The following PAMR1 variants were observed in gnomAD, a reference collection of about 807,000 sequenced individuals.
PAMR1 encodes peptidase domain containing associated with muscle regeneration 1, also known as inactive serine protease PAMR1.
PAMR1 carries 88 observed loss-of-function variants against 81.8 expected under a neutral mutation model. The ratio of observed to expected loss-of-function variants is 1.08; its 90% CI spans 0.91 to 1.28. The LOEUF is 1.28. PAMR1 is among the 50% of genes most tolerant of loss of function. The probability of loss-of-function intolerance (pLI) is 0.00; values close to 1 mark genes in which losing one functional copy is unlikely to be tolerated. For missense variants in PAMR1, 935 were observed against 919.7 expected (o/e 1.02, Z -0.21); for synonymous variants, 336 against 345.3 (o/e 0.97, Z 0.30).
chr11:35,439,165 T>C (rs915438586), intron 8 of PAMR1, among the ~76,000 whole-genome samples: 7 of 152,226 alleles, frequency 4.6e-5, no homozygotes, highest in Admixed American at 3.9e-4. Flanking sequence ...CACATCCTTC[T>C]GCATGGCTGG....
chr11:35,436,800 A>G (rs111242040), intron 8 of PAMR1, among the ~76,000 whole-genome samples: 377 of 152,338 alleles, frequency 2.5e-3, no homozygotes, highest in African/African-American at 8.9e-3. Flanking sequence ...ACCAAAGACA[A>G]TAATACCTGG....
intron 1 of PAMR1, among the ~76,000 whole-genome samples, chr11:35,517,447 T>C (rs967239741): frequency 7.2e-5 from 11 of 152,264 alleles, no homozygotes; most frequent in African/African-American, 2.7e-4. Flanking sequence ...TTCCATGTTT[T>C]ATGCCTTATG....
chr11:35,473,346 C>T (rs1240572046), intron 4 of PAMR1, among the ~76,000 whole-genome samples: 1 of 152,168 alleles, frequency 6.6e-6, no homozygotes, highest in East Asian at 1.9e-4. Context: ...CACCGTTTTG[C>T]TATTTTAGAA....
chr11:35,522,231 T>C (rs546582471), intron 1 of PAMR1, among the ~76,000 whole-genome samples: 3 of 152,318 alleles, frequency 2.0e-5, no homozygotes, highest in African/African-American at 7.2e-5. Context: ...TCAAATCGTT[T>C]TTAAGTGCAT....
chr11:35,467,525 C>T (rs11033138), intron 6 of PAMR1, among the ~76,000 whole-genome samples: 15 of 152,186 alleles, frequency 9.9e-5, no homozygotes, highest in South Asian at 4.2e-4. Context: ...ACTTTGCTCA[C>T]GAAAGAGGAT....
At chr11:35,527,972 C>T (rs1027492905), upstream of PAMR1, among the ~76,000 whole-genome samples, 6 of 152,096 alleles carry the variant, frequency 3.9e-5, no homozygotes, top group Non-Finnish European at 8.8e-5. Flanking sequence ...TCCCATGACA[C>T]GTGGGGTTTC....
intron 1 of PAMR1, among the ~76,000 whole-genome samples, chr11:35,506,050 G>T (rs1415400742): frequency 6.7e-6 from 1 of 148,984 alleles, no homozygotes; most frequent in Admixed American, 6.7e-5. Context: ...TTACCATGAG[G>T]TTTACAAAAA....
chr11:35,503,966 CT>C (rs1380031055), intron 1 of PAMR1, among the ~76,000 whole-genome samples: 1 of 151,982 alleles, frequency 6.6e-6, no homozygotes, highest in Admixed American at 6.6e-5. Context: ...AGAGGGAAAC[CT>C]TTCCATTTTT....
intron 6 of PAMR1, among the ~76,000 whole-genome samples, chr11:35,460,312 CTTT>C (rs1054098077): frequency 7.1e-6 from 1 of 141,340 alleles, no homozygotes. Context: ...CCTCCTCTTT[CTTT>C]TTTTTTTTTT....
At chr11:35,462,171 A>C (rs1404407836) in intron 6 of PAMR1, among the ~76,000 whole-genome samples, 1 of 152,194 alleles carries the variant, frequency 6.6e-6, no homozygotes, top group Non-Finnish European at 1.5e-5. Context: ...CCCCATGAGA[A>C]AAAGGGAGGC....
At chr11:35,504,400 A>G (rs990375809) in intron 1 of PAMR1, among the ~76,000 whole-genome samples, 5 of 152,140 alleles carry the variant, frequency 3.3e-5, no homozygotes, top group African/African-American at 7.2e-5. Flanking sequence ...TCATAGAATG[A>G]GTTTGGAAAT....
At chr11:35,438,399 G>A (rs2135338485) in intron 8 of PAMR1, among the ~76,000 whole-genome samples, 1 of 152,298 alleles carries the variant, frequency 6.6e-6, no homozygotes, top group East Asian at 1.9e-4. Flanking sequence ...TTAGCTATTA[G>A]GGTTGCATAT....
intron 1 of PAMR1, among the ~76,000 whole-genome samples, chr11:35,516,945 G>C (rs989465469): frequency 6.6e-6 from 1 of 152,154 alleles, no homozygotes; most frequent in African/African-American, 2.4e-5. Context: ...TCTGTGAGAG[G>C]GGGGAAGGGG....
intron 6 of PAMR1, among the ~76,000 whole-genome samples, chr11:35,446,863 G>A (rs1014817539): frequency 1.3e-5 from 2 of 152,196 alleles, no homozygotes; most frequent in African/African-American, 2.4e-5. Context: ...ACTTGGTCCA[G>A]AGCTGAGTTC....
intron 6 of PAMR1, among the ~76,000 whole-genome samples, chr11:35,462,181 C>G (rs547314243): frequency 6.6e-6 from 1 of 152,190 alleles, no homozygotes; most frequent in Admixed American, 6.5e-5. Flanking sequence ...AAAAGGGAGG[C>G]TGGCCAGATA....
intron 9 of PAMR1, among the ~76,000 whole-genome samples, chr11:35,435,246 C>G (rs1856013084): frequency 6.6e-6 from 1 of 152,180 alleles, no homozygotes; most frequent in Non-Finnish European, 1.5e-5. Flanking sequence ...TCTCCTTTCG[C>G]AAAGAGGATG....
intron 1 of PAMR1, among the ~76,000 whole-genome samples, chr11:35,512,433 C>T: frequency 6.6e-6 from 1 of 152,164 alleles, no homozygotes; most frequent in East Asian, 1.9e-4. Flanking sequence ...GATCAGAACT[C>T]AGCTTTTTGG....
At chr11:35,526,622 A>G (rs903742897), upstream of PAMR1, among the ~76,000 whole-genome samples, 1 of 152,276 alleles carries the variant, frequency 6.6e-6, no homozygotes, top group Non-Finnish European at 1.5e-5. Flanking sequence ...TAACTCATCC[A>G]AGGCCACACA....
intron 1 of PAMR1, among the ~76,000 whole-genome samples, chr11:35,517,080 A>G (rs1394835261): frequency 6.6e-6 from 1 of 152,178 alleles, no homozygotes; most frequent in Non-Finnish European, 1.5e-5. Context: ...CTAGCTGAGA[A>G]GTCAAGTCAC....
Sources: allele counts gnomAD v4.1 joint callset (sites outside exome capture counted in the v4.1 genomes callset), GRCh38; gene constraint gnomAD v4.1.1; transcripts MANE v1.5; gene names NCBI Gene and HGNC (gene_info 2026-07-23, HGNC 2026-07-21).